The following ZFPM2 variants were observed in gnomAD, a reference collection of about 807,000 sequenced individuals.
The protein encoded by ZFPM2 is zinc finger protein, FOG family member 2, also known as zinc finger protein ZFPM2.
In ZFPM2, 20 loss-of-function variants were observed where a neutral mutation model predicts 98.6. The ratio of observed to expected loss-of-function variants is 0.20; its 90% CI spans 0.14 to 0.29. ZFPM2 has a LOEUF of 0.29. Ranked by LOEUF, ZFPM2 falls within the 10% of genes least tolerant of loss-of-function variation. ZFPM2 has a pLI of 1.00. For synonymous variants in ZFPM2, 518 were observed against 502.7 expected, an observed-to-expected ratio of 1.03 and a Z score of -0.41; for missense variants, 1,310 against 1,388.6, an observed-to-expected ratio of 0.94 and a Z score of 0.90.
chr8:105,613,818 C>A (rs2130803872), intron 4 of ZFPM2, among the ~76,000 whole-genome samples: 1 of 152,198 alleles, frequency 6.6e-6, no homozygotes, highest in African/African-American at 2.4e-5. Context: ...AATATCAAAT[C>A]ATTTTGCCCC....
At chr8:105,431,507 T>C (rs533811773) in intron 2 of ZFPM2, among the ~76,000 whole-genome samples, 1 of 152,284 alleles carries the variant, frequency 6.6e-6, no homozygotes, top group South Asian at 2.1e-4. Context: ...GGGAAGGTCC[T>C]GGATATCGTA....
intron 1 of ZFPM2, among the ~76,000 whole-genome samples, chr8:105,374,523 C>T (rs1810684242): frequency 6.6e-6 from 1 of 151,940 alleles, no homozygotes; most frequent in Non-Finnish European, 1.5e-5. Context: ...GTAGCTGGGA[C>T]TACAGGTGCA....
intron 5 of ZFPM2, among the ~76,000 whole-genome samples, chr8:105,700,997 T>G: frequency 6.6e-6 from 1 of 152,352 alleles, no homozygotes; most frequent in Middle Eastern, 3.4e-3. Context: ...TTCCTTGATT[T>G]TATGATAAAT....
chr8:105,638,782 G>A (rs17291297), intron 5 of ZFPM2, among the ~76,000 whole-genome samples: 16,559 of 151,988 alleles, frequency 0.11, 1,079 homozygotes, highest in South Asian at 0.21. Context: ...CTCCTTGTCA[G>A]CGTGTCCATC....
chr8:105,509,991 G>A (rs185672114), intron 3 of ZFPM2, among the ~76,000 whole-genome samples: 255 of 151,770 alleles, frequency 1.7e-3, no homozygotes, highest in African/African-American at 6.1e-3. Flanking sequence ...ATTCTTGTAT[G>A]TCGTGGTCAT....
At chr8:105,458,382 C>T (rs907916550) in intron 3 of ZFPM2, among the ~76,000 whole-genome samples, 7 of 151,780 alleles carry the variant, frequency 4.6e-5, no homozygotes, top group South Asian at 2.1e-4. Flanking sequence ...TGTTACACTC[C>T]GTGTAAAGAT....
chr8:105,540,990 T>C (rs1165906968), intron 3 of ZFPM2, among the ~76,000 whole-genome samples: 3 of 152,172 alleles, frequency 2.0e-5, no homozygotes, highest in Non-Finnish European at 4.4e-5. Flanking sequence ...CAGTTTTATG[T>C]AGCTGGCAGT....
chr8:105,684,550 T>C (rs952414207), intron 5 of ZFPM2, among the ~76,000 whole-genome samples: 3 of 152,124 alleles, frequency 2.0e-5, no homozygotes, highest in African/African-American at 7.2e-5. Context: ...ATCTCTAAGA[T>C]AGCACTTCAT....
chr8:105,511,458 A>G (rs1409279884), intron 3 of ZFPM2, among the ~76,000 whole-genome samples: 1 of 152,170 alleles, frequency 6.6e-6, no homozygotes, highest in Non-Finnish European at 1.5e-5. Context: ...CTTCACCTAG[A>G]TGGGGGCCCA....
intron 4 of ZFPM2, among the ~76,000 whole-genome samples, chr8:105,606,341 G>C (rs1248959576): frequency 1.3e-5 from 2 of 151,860 alleles, no homozygotes; most frequent in African/African-American, 4.8e-5. Flanking sequence ...TATACGTTCA[G>C]AAATATATGT....
intron 1 of ZFPM2, among the ~76,000 whole-genome samples, chr8:105,413,507 T>TACAC (rs137954717): frequency 0.022 from 2,980 of 135,430 alleles, 33 homozygotes; most frequent in African/African-American, 0.025. Context: ...TATATATATA[T>TACAC]ACACACACAC....
chr8:105,709,837 G>C (rs780255128), intron 5 of ZFPM2, among the ~76,000 whole-genome samples: 8 of 152,004 alleles, frequency 5.3e-5, no homozygotes, highest in Non-Finnish European at 1.2e-4. Context: ...TCTCTTCTAA[G>C]GTTTTGGATT....
intron 4 of ZFPM2, among the ~76,000 whole-genome samples, chr8:105,610,521 A>G (rs1453288878): frequency 6.6e-6 from 1 of 152,164 alleles, no homozygotes; most frequent in Non-Finnish European, 1.5e-5. Context: ...AGCATATAAT[A>G]ACTAGCTAAC....
At chr8:105,555,888 G>C (rs557457948) in intron 3 of ZFPM2, among the ~76,000 whole-genome samples, 1 of 152,128 alleles carries the variant, frequency 6.6e-6, no homozygotes, top group Non-Finnish European at 1.5e-5. Flanking sequence ...AAGTTATGGG[G>C]GAGCTAAACT....
At chr8:105,565,801 G>A (rs534113938) in intron 4 of ZFPM2, among the ~76,000 whole-genome samples, 32 of 152,146 alleles carry the variant, frequency 2.1e-4, no homozygotes, top group Admixed American at 1.1e-3. Context: ...AAACCTTGGC[G>A]TTAGGGGATT....
intron 5 of ZFPM2, among the ~76,000 whole-genome samples, chr8:105,685,235 G>T (rs972592589): frequency 6.6e-6 from 1 of 152,058 alleles, no homozygotes; most frequent in African/African-American, 2.4e-5. Flanking sequence ...ATTAAGGACT[G>T]AATTTTCAAT....
intron 3 of ZFPM2, among the ~76,000 whole-genome samples, chr8:105,541,300 C>T (rs1389846389): frequency 6.6e-6 from 1 of 152,102 alleles, no homozygotes; most frequent in Non-Finnish European, 1.5e-5. Flanking sequence ...TAGATGAGGA[C>T]CCTGAGTTTC....
At chr8:105,395,318 T>C (rs1456034238) in intron 1 of ZFPM2, among the ~76,000 whole-genome samples, 1 of 152,240 alleles carries the variant, frequency 6.6e-6, no homozygotes, top group Non-Finnish European at 1.5e-5. Context: ...TGTATATCTT[T>C]AGTATTACCA....
At chr8:105,797,709 C>T (rs1031983872) in intron 6 of ZFPM2, among the ~76,000 whole-genome samples, 11 of 152,262 alleles carry the variant, frequency 7.2e-5, no homozygotes, top group African/African-American at 2.4e-4. Context: ...GATGATCCAA[C>T]CCCTCTTCTC....
Sources: allele counts gnomAD v4.1 joint callset (sites outside exome capture counted in the v4.1 genomes callset), GRCh38; gene constraint gnomAD v4.1.1; transcripts MANE v1.5; gene names NCBI Gene and HGNC (gene_info 2026-07-23, HGNC 2026-07-21).